RBSN: variants seen among roughly 807,000 people sequenced by gnomAD.
The protein encoded by RBSN is rabenosyn-5.
A neutral mutation model predicts 60.5 loss-of-function variants in RBSN; 34 were observed. The ratio of observed to expected loss-of-function variants is 0.56; its 90% CI spans 0.43 to 0.75. The LOEUF (loss-of-function observed/expected upper bound fraction) is 0.75, where lower values mean the gene tolerates loss of function less well. Ranked by LOEUF, RBSN falls within the 30% of genes least tolerant of loss-of-function variation. The probability of loss-of-function intolerance (pLI) is 0.00; values close to 1 mark genes in which losing one functional copy is unlikely to be tolerated. For missense variants in RBSN, 845 were observed against 986.8 expected (o/e 0.86, Z 1.92); for synonymous variants, 322 against 366.9 (o/e 0.88, Z 1.40).
intron 5 of RBSN, among the ~76,000 whole-genome samples, chr3:15,089,955 CA>C (rs2043465834): frequency 6.6e-6 from 1 of 152,042 alleles, no homozygotes; most frequent in Non-Finnish European, 1.5e-5. Context: ...TTTATCATCC[CA>C]AAAACATGAA....
rs889762351 is a variant in RBSN at position 15,082,048 on chromosome 3, G to A, written c.840+319C>T. Among the ~76,000 whole-genome samples the A allele has an allele frequency of 2.0e-5, 3 of 152,146 alleles. No individual in the cohort carries two copies. Among genetic ancestry groups the A allele is most frequent in the African/African-American group, 4.8e-5 (2 of 41,410 alleles). ...CTGTTTATGAACATCTCTAGCTTCT[G>A]CCCTTCCCACAGAACCTGTCTACAC... On this transcript the variant is annotated intron_variant, in intron 9 of 13. Transcript: ENST00000253699. This position sits in a 1 kb window ranked among gnomAD's most constrained non-coding sequence, Gnocchi z 4.2.
rs2042964165 is a variant in RBSN, at chr3:15,073,352, A to G, written c.*430T>C. The G allele has an allele frequency of 6.1e-6, 1 of 163,888 alleles. No individual in the cohort carries two copies. Among genetic ancestry groups the G allele is most frequent in the African/African-American group, 2.4e-5 (1 of 41,578 alleles). The allele number at this position is 163,888 out of a possible 1,614,324, so 10.2% of individuals were successfully genotyped here. A position where few individuals can be genotyped will look rare whatever the true frequency, so the allele number is the denominator to read the frequency against. On this transcript the variant is annotated 3_prime_UTR_variant, in exon 14 of 14. Coordinates refer to ENST00000253699, the MANE Select transcript of RBSN (RefSeq NM_022340.4). ...TATCTTCTCTGTCTTGGCTAAAGGA[A>G]GGGCTCTAAAAAGGCTGCCCTATAA... is the stretch of plus-strand genomic sequence containing the variant.
At chr3:15,089,456 C>CAAAAAAAAAAAAAAAAAAAAAAAA (rs757156425) in intron 5 of RBSN, among the ~76,000 whole-genome samples, 1 of 31,446 alleles carries the variant, frequency 3.2e-5, no homozygotes, top group African/African-American at 1.0e-4. Flanking sequence ...ACTCCATCTC[C>CAAAAAAAAAAAAAAAAAAAAAAAA]AAAAAAAAAA....
At position 15,080,777 on chromosome 3, in the gene RBSN, A is replaced by G. The variant is rs765395871; in HGVS notation, c.866T>C (p.Val289Ala). The change falls in exon 10 of 14, where the codon GTT becomes GCT. Residue 289 changes from valine to alanine, a missense_variant. Physicochemically the swap from Val to Ala is moderately conservative, Grantham distance 64. Coordinates refer to ENST00000253699, the MANE Select transcript of RBSN (RefSeq NM_022340.4). ...GATGTATTCTGGAGCTTTCTGGTCA[A>G]CTTTCTCCATGCAAAGTCGTAATTT... ...YEKLRLCMEK[V>A]DQKAPEYIRM... The G allele has an allele frequency of 9.3e-6, 15 of 1,614,062 alleles. No individual in the cohort carries two copies. Among genetic ancestry groups the G allele is most frequent in the South Asian group, 4.4e-5 (4 of 91,086 alleles).
At position 15,071,547 on chromosome 3, in the gene RBSN, C is replaced by T. The variant is rs1172051953; in HGVS notation, c.*2235G>A. 6.6e-6 allele frequency: 1 copy of T among 152,254 alleles called. No homozygotes were observed. Among genetic ancestry groups the T allele is most frequent in the Non-Finnish European group, 1.5e-5 (1 of 68,062 alleles). 9.4% of individuals were successfully genotyped at this position (152,254 alleles called of 1,614,324 possible). ...GGTAACTGGCTGACATTCATTAACA[C>T]ACTCATATGGCTGTTTGTGAACAGA... On this transcript the variant is annotated 3_prime_UTR_variant, in exon 14 of 14. Transcript: ENST00000253699.
At chr3:15,090,596 CAAAAGAAATCTCAAAA>C in intron 4 of RBSN, 57 bp from the exon 5 acceptor site, 1 of 1,556,190 alleles carries the variant, frequency 6.4e-7, no homozygotes, top group Non-Finnish European at 8.7e-7. Context: ...AGTAAACAGT[CAAAAGAAATCTCAAAA>C]AACAAGAGTT....
Position 15,073,189 on chromosome 3 carries a change from C to G in RBSN, c.*593G>C, listed in dbSNP as rs1271210238. The G allele has an allele frequency of 6.5e-6, 1 of 152,712 alleles. No individual in the cohort carries two copies. Among genetic ancestry groups the G allele is most frequent in the African/African-American group, 2.4e-5 (1 of 41,420 alleles). 9.5% of individuals were successfully genotyped at this position (152,712 alleles called of 1,614,324 possible). Reference sequence around the variant, plus strand: ...TGGGCTCTCCTGGGTCTAAACTCTCCCCTTCATAGCAGCACCTCCCCCTTC... The same window carrying G: ...TGGGCTCTCCTGGGTCTAAACTCTCGCCTTCATAGCAGCACCTCCCCCTTC... On this transcript the variant is annotated 3_prime_UTR_variant, in exon 14 of 14. Transcript: ENST00000253699.
chr3:15,089,080 C>T (rs1431343670), intron 5 of RBSN, among the ~76,000 whole-genome samples: 1 of 152,070 alleles, frequency 6.6e-6, no homozygotes, highest in East Asian at 1.9e-4. Context: ...TTGAATAAAT[C>T]ACAAGGGAAT....
At chr3:15,075,337 C>T (rs761011526) in intron 13 of RBSN, 1 of 641,116 alleles carries the variant, frequency 1.6e-6, no homozygotes, top group East Asian at 3.2e-5. Flanking sequence ...CTCTGCAACT[C>T]CTGCCATAGG....
intron 1 of RBSN, among the ~76,000 whole-genome samples, chr3:15,098,527 C>T (rs1180242358): frequency 1.3e-5 from 2 of 151,148 alleles, no homozygotes; most frequent in East Asian, 3.9e-4. Context: ...TGAATGTCAC[C>T]CCGCCACATG....
chr3:15,082,903 C>T lies in RBSN; in HGVS notation c.599-295G>A, dbSNP rs187310228. 2.6e-5 allele frequency among the ~76,000 whole-genome samples: 4 copies of T among 152,312 alleles called. No individual in the cohort carries two copies. Among genetic ancestry groups the T allele is most frequent in the African/African-American group, 9.6e-5 (4 of 41,562 alleles). ...CCAGGAGACTTTCCTCCACAGCCTT[C>T]TCCCTATTCCCAAACATCTGGCTCC... On this transcript the variant is annotated intron_variant, in intron 8 of 13. Transcript: ENST00000253699. This position sits in a 1 kb window ranked among gnomAD's most constrained non-coding sequence, Gnocchi z 4.2.
rs1429043771 is a variant in RBSN at position 15,082,760 on chromosome 3, G to C, written c.599-152C>G. ...CACGTACTGCCCCTCTGCCTTCCTG[G>C]TGTCAGACTCTGGTGAGAAAGGACT... On this transcript the variant is annotated intron_variant, in intron 8 of 13. Coordinates refer to ENST00000253699, the MANE Select transcript of RBSN (RefSeq NM_022340.4). The surrounding 1 kb of genome is among the most constrained non-coding windows in gnomAD (Gnocchi z 4.2). 8.5e-7 allele frequency: 1 copy of C among 1,175,504 alleles called. No individual in the cohort carries two copies. The highest frequency in any genetic ancestry group is 1.2e-6 in the Non-Finnish European group (1 of 850,824). 72.8% of individuals were successfully genotyped at this position (1,175,504 alleles called of 1,614,324 possible).
In RBSN at chr3:15,072,385, C is replaced by CT. The variant is rs1225171337; in HGVS notation, c.*1396dup. The CT allele has an allele frequency of 6.6e-6, 1 of 152,194 alleles. No homozygotes were observed. 9.4% of individuals were successfully genotyped at this position (152,194 alleles called of 1,614,324 possible). On this transcript the variant is annotated 3_prime_UTR_variant, in exon 14 of 14. Coordinates refer to ENST00000253699, the MANE Select transcript of RBSN (RefSeq NM_022340.4). The stretch of plus-strand genomic sequence containing the variant: ...CCAGCCTGGGCAACAAAGTGAAACT[C>CT]TGTCTCAAAAAAAATAAAAAATCTC...
In RBSN at chr3:15,082,540, C is replaced by A. The variant is rs770810613; in HGVS notation, c.667G>T (p.Val223Phe). The change falls in exon 9 of 14, where the codon GTC (valine) becomes TTC (phenylalanine). Residue 223 changes from valine to phenylalanine, a missense_variant. Val to Phe is a conservative substitution (Grantham distance 50). Transcript: ENST00000253699. The surrounding 1 kb of genome is among the most constrained non-coding windows in gnomAD (Gnocchi z 4.2). ...ATGCTGCCTCGGCGGGAGCCATGGACACTGTTGGGTGACTGGCTGGGGCTG... is the reference window on the plus strand; with the variant it reads ...ATGCTGCCTCGGCGGGAGCCATGGAAACTGTTGGGTGACTGGCTGGGGCTG... Reference protein sequence around the residue: ...HTSPSQSPNSVHGSRRGSISS... With the variant: ...HTSPSQSPNSFHGSRRGSISS... The A allele has an allele frequency of 5.6e-6, 9 of 1,614,024 alleles. No homozygotes were observed. The highest frequency in any genetic ancestry group is 4.5e-5 in the East Asian group (2 of 44,888).
Position 15,082,231 on chromosome 3 carries a change from T to A in RBSN, c.840+136A>T, listed in dbSNP as rs1230517705. ...GGGCCCTAGCTGGGAAATCATAACATGGGCCTTTAACAGGAACTACAAATA... is the reference window on the plus strand; with the variant it reads ...GGGCCCTAGCTGGGAAATCATAACAAGGGCCTTTAACAGGAACTACAAATA... On this transcript the variant is annotated intron_variant, in intron 9 of 13. Coordinates refer to ENST00000253699, the MANE Select transcript of RBSN (RefSeq NM_022340.4). The surrounding 1 kb of genome is among the most constrained non-coding windows in gnomAD (Gnocchi z 4.2). The A allele has an allele frequency of 4.2e-6, 5 of 1,187,906 alleles. No individual in the cohort carries two copies. The highest frequency in any genetic ancestry group is 5.9e-6 in the Non-Finnish European group (5 of 844,564). 73.6% of individuals were successfully genotyped at this position (1,187,906 alleles called of 1,614,324 possible). A position where few individuals can be genotyped will look rare whatever the true frequency, so the allele number is the denominator to read the frequency against.
rs1005468888 is a variant in RBSN at position 15,085,171 on chromosome 3, C to T, written c.391-126G>A. 361 of 1,138,106 alleles carry T rather than the reference C, an allele frequency of 3.2e-4. 1 individual carries two copies. Among genetic ancestry groups the T allele is most frequent in the Middle Eastern group, 6.0e-4 (3 of 4,992 alleles). The allele number at this position is 1,138,106 out of a possible 1,614,324, so 70.5% of individuals were successfully genotyped here. A position where few individuals can be genotyped will look rare whatever the true frequency, so the allele number is the denominator to read the frequency against. On this transcript the variant is annotated intron_variant, in intron 6 of 13. Coordinates refer to ENST00000253699, the MANE Select transcript of RBSN (RefSeq NM_022340.4). ...CTCAAGTCTCATCTGTCATCCCCAACGCCACAAAATCACAAAAACAATTTC... is the reference window on the plus strand; with the variant it reads ...CTCAAGTCTCATCTGTCATCCCCAATGCCACAAAATCACAAAAACAATTTC...
At position 15,084,880 on chromosome 3, in the gene RBSN, C is replaced by A; in HGVS notation, c.453G>T (p.Val151=). 6.2e-7 allele frequency: 1 copy of A among 1,613,776 alleles called. No individual in the cohort carries two copies. The highest frequency in any genetic ancestry group is 1.3e-5 in the African/African-American group (1 of 75,034). The change falls in exon 8 of 14, where the codon GTG becomes GTT. Residue 151 remains valine, a synonymous_variant. Transcript: ENST00000253699. This position sits in a 1 kb window ranked among gnomAD's most constrained non-coding sequence, Gnocchi z 4.2. ...SAKIRAIEKS[V]VPWVNDQDVP... is the part of the protein sequence containing the mutation. ...CATCCTGGTCGTTGACCCAAGGCAC[C>A]ACAGACTTTTCTATTGCTTTGGGAA...
At position 15,072,133 on chromosome 3, in the gene RBSN, C is replaced by G. The variant is rs2042938390; in HGVS notation, c.*1649G>C. 6.5e-6 allele frequency: 1 copy of G among 152,700 alleles called. No homozygotes were observed. Among genetic ancestry groups the G allele is most frequent in the Admixed American group, 6.5e-5 (1 of 15,290 alleles). 9.5% of individuals were successfully genotyped at this position (152,700 alleles called of 1,614,324 possible). On this transcript the variant is annotated 3_prime_UTR_variant, in exon 14 of 14. Transcript: ENST00000253699. ...TCAGGGCGGGCACAGTGGCTCACGC[C>G]TGTATTCCCAGCACTTTGGGAGGCC...
rs777408454 is a variant in RBSN, at chr3:15,074,209, C to A, written c.1928G>T (p.Gly643Val). The change falls in exon 14 of 14, where the codon GGT (glycine) becomes GTT (valine). Residue 643 changes from glycine (G) to valine (V), a missense_variant. Gly to Val is a moderately radical substitution (Grantham distance 109). Transcript: ENST00000253699. The surrounding 1 kb of genome is among the most constrained non-coding windows in gnomAD (Gnocchi z 6.4). The part of the protein sequence containing the change: ...LSSPMEEATT[G>V]PPAAGVSLDP... ...TAAGGAAACCCCTGCAGCAGGAGGA[C>A]CAGTAGTGGCCTCTTCCATGGGGCT... 5 of 1,608,802 alleles carry A rather than the reference C, an allele frequency of 3.1e-6. No individual in the cohort carries two copies. The highest frequency in any genetic ancestry group is 1.3e-5 in the African/African-American group (1 of 74,772).
Sources: gnomAD v4.1 joint callset for allele counts (sites outside exome capture counted in the v4.1 genomes callset) on GRCh38, gnomAD v4.1.1 for gene constraint, Gnocchi (gnomAD v3.1) non-coding constraint, MANE v1.5 for transcripts, NCBI Gene and HGNC (gene_info 2026-07-23, HGNC 2026-07-21) for gene names.